Variants in PSG4 observed in about 807,000 individuals in gnomAD.
PSG4 encodes pregnancy-specific beta-1-glycoprotein 4.
Under a neutral mutation model 44.3 loss-of-function variants are expected in PSG4, and 61 were observed. The observed-to-expected ratio is 1.38, with a 90% CI of 1.12 to 1.70. The LOEUF is 1.70. PSG4 is among the 40% of genes most tolerant of loss of function. The pLI, the probability that PSG4 is intolerant of heterozygous loss-of-function variation, is 0.00. For missense variants in PSG4, 677 were observed against 511.7 expected (o/e 1.32, Z -3.12); for synonymous variants, 248 against 191.3 (o/e 1.30, Z -2.45).
rs764419595 is a variant in PSG4 at position 43,194,327 on chromosome 19, G to A, written c.1243+13C>T. On this transcript the variant is annotated intron_variant, in intron 5 of 5. Coordinates refer to ENST00000405312, the MANE Select transcript of PSG4 (RefSeq NM_002780.5). The stretch of plus-strand genomic sequence containing the variant: ...CTAAATCCCTATTGCCAAGGATGCT[G>A]GGATCCACTTACCAGAGACTTTGAC... The A allele has an allele frequency of 4.3e-6, 7 of 1,612,114 alleles. No homozygotes were observed. The highest frequency in any genetic ancestry group is 5.9e-6 in the Non-Finnish European group (7 of 1,179,022).
rs1401071813 is a variant in PSG4, at chr19:43,204,040, C to T, written c.276G>A (p.Gly92=). 1.3e-6 allele frequency: 2 copies of T among 1,587,162 alleles called. No individual in the cohort carries two copies. The highest frequency in any genetic ancestry group is 1.7e-6 in the Non-Finnish European group (2 of 1,171,310). ...CTCTTTCTCTTCCACTGTATGCAGGCCCATATATAATTCTTTGACCGTCTA... is the reference window on the plus strand; with the variant it reads ...CTCTTTCTCTTCCACTGTATGCAGGTCCATATATAATTCTTTGACCGTCTA... ...YVVDGQRIIY[G]PAYSGRERVY... Residue 92 remains glycine (G), a synonymous_variant, in exon 2 of 6, where the codon GGG becomes GGA. Transcript: ENST00000405312.
intron 2 of PSG4, among the ~76,000 whole-genome samples, chr19:43,202,178 C>A (rs1158203629): frequency 0.012 from 1,661 of 141,706 alleles, 5 homozygotes; most frequent in African/African-American, 0.045. Context: ...ACAGGGCTTG[C>A]CAGTCAGAAT....
chr19:43,198,537 A>T, intron 2 of PSG4: 2 of 594,234 alleles, frequency 3.4e-6, no homozygotes, highest in East Asian at 1.2e-4. Context: ...ACACAGGACC[A>T]GCAGTCACAG....
chr19:43,195,039 C>G lies in PSG4; in HGVS notation c.944G>C (p.Arg315Pro), dbSNP rs769047324. Residue 315 changes from arginine to proline, a missense_variant, in exon 4 of 6, where the codon CGA becomes CCA. Arg to Pro is a moderately radical substitution (Grantham distance 103, BLOSUM62 -2). Coordinates refer to ENST00000405312, the MANE Select transcript of PSG4 (RefSeq NM_002780.5). ...TGGGTCACTGCGGATGCCACCATAT[C>G]GGTCCCGTATTTCACATTGATAAGG... ...TGPYQCEIRD[R>P]YGGIRSDPVT... is the part of the protein sequence containing the mutation. The G allele has an allele frequency of 1.1e-5, 18 of 1,611,952 alleles. No individual in the cohort carries two copies. The highest frequency in any genetic ancestry group is 1.5e-5 in the Non-Finnish European group (18 of 1,179,036).
rs542656783 is a variant in PSG4 at position 43,193,448 on chromosome 19, G to A, written c.1244-60C>T. ...ACAGAGCTGCAATCTCATAACCGGT[G>A]TACTACAGTTTTTATTTTCCACATA... is the stretch of plus-strand genomic sequence containing the variant. On this transcript the variant is annotated intron_variant, in intron 5 of 5. Coordinates refer to ENST00000405312, the MANE Select transcript of PSG4 (RefSeq NM_002780.5). The A allele has an allele frequency of 8.6e-5, 66 of 765,084 alleles. 3 individuals carry two copies. The African/African-American group carries it at 9.9e-4, about 11-fold the overall frequency. 47.4% of individuals were successfully genotyped at this position (765,084 alleles called of 1,614,324 possible). A position where few individuals can be genotyped will look rare whatever the true frequency, so the allele number is the denominator to read the frequency against.
rs1967343694 is a variant in PSG4 at position 43,198,238 on chromosome 19, T to G, written c.468A>C (p.Leu156Phe). Residue 156 changes from leucine (L) to phenylalanine (F), a missense_variant, in exon 3 of 6, where the codon TTA becomes TTC. Transcript: ENST00000405312. ...CAGCCTCCATGGCCTCCCTGGGATT[T>G]AAGTTGCTGCTGGAGATGGAGGGCT... ...TPKPSISSSN[L>F]NPREAMEAVI... 4 of 1,587,274 alleles carry G rather than the reference T, an allele frequency of 2.5e-6. 1 individual carries two copies. The highest frequency in any genetic ancestry group is 1.4e-5 in the African/African-American group (1 of 69,462).
At chr19:43,200,623 T>G (rs1489829059) in intron 2 of PSG4, among the ~76,000 whole-genome samples, 1 of 144,980 alleles carries the variant, frequency 6.9e-6, no homozygotes, top group East Asian at 2.4e-4. Context: ...TTGCCCAGGC[T>G]GGAGTGCAGT....
Position 43,194,424 on chromosome 19 carries a change from T to G in PSG4, c.1159A>C (p.Lys387Gln), listed in dbSNP as rs1026457493. ...GAGCAAGCATAGAGCCCACTATGCT[T>G]TGTAGTTATTTGGGGGATAGAGAGC... ...QKLSIPQITT[K>Q]HSGLYACSVR... The change falls in exon 5 of 6, where the codon AAG becomes CAG. Residue 387 changes from lysine (K) to glutamine (Q), a missense_variant. Coordinates refer to ENST00000405312, the MANE Select transcript of PSG4 (RefSeq NM_002780.5). The G allele has an allele frequency of 1.9e-6, 3 of 1,612,208 alleles. No homozygotes were observed. Among genetic ancestry groups the G allele is most frequent in the Non-Finnish European group, 2.5e-6 (3 of 1,179,090 alleles).
chr19:43,202,263 A>C (rs1967548713), intron 2 of PSG4, among the ~76,000 whole-genome samples: 1 of 144,694 alleles, frequency 6.9e-6, no homozygotes, highest in Non-Finnish European at 1.5e-5. Flanking sequence ...AGTGAGGGTT[A>C]CACTGACTTC....
At chr19:43,200,925 C>G (rs1274410438) in intron 2 of PSG4, among the ~76,000 whole-genome samples, 1 of 145,886 alleles carries the variant, frequency 6.9e-6, no homozygotes, top group Admixed American at 6.8e-5. Flanking sequence ...AGAACGGAGT[C>G]ACAAATTTTA....
In PSG4 at chr19:43,194,125, C is replaced by T. The variant is rs981415022; in HGVS notation, c.1243+215G>A. 12 of 1,372,432 alleles carry T rather than the reference C, an allele frequency of 8.7e-6. 1 individual carries two copies. The African/African-American group carries it at 1.3e-4, about 15-fold the overall frequency. The allele number at this position is 1,372,432 out of a possible 1,614,324, so 85.0% of individuals were successfully genotyped here. ...TTCAATGAAATCAATGTTTCTCCTG[C>T]TTGGTCTAGGCTGGGAATTTTAAGA... On this transcript the variant is annotated intron_variant, in intron 5 of 5. Coordinates refer to ENST00000405312, the MANE Select transcript of PSG4 (RefSeq NM_002780.5).
In PSG4 at chr19:43,199,383, G is replaced by T. The variant is rs1273753578; in HGVS notation, c.431-1108C>A. Among the ~76,000 whole-genome samples, 14 of 145,534 alleles carry T rather than the reference G, an allele frequency of 9.6e-5. 5 individuals are homozygous for T. In the East Asian group the frequency reaches 2.4e-3, roughly 25 times the overall value. On this transcript the variant is annotated intron_variant, in intron 2 of 5. Coordinates refer to ENST00000405312, the MANE Select transcript of PSG4 (RefSeq NM_002780.5). ...AGTTATGCAGGATGAGGAGGTTCTAGAGATCTCCTGTACAGCTTCATGCCT... is the reference window on the plus strand; with the variant it reads ...AGTTATGCAGGATGAGGAGGTTCTATAGATCTCCTGTACAGCTTCATGCCT...
rs75410190 is a variant in PSG4 at position 43,199,594 on chromosome 19, G to T, written c.431-1319C>A. Among the ~76,000 whole-genome samples the T allele has an allele frequency of 2.3e-3, 339 of 145,318 alleles. 36 individuals carry two copies. Among genetic ancestry groups the T allele is most frequent in the Admixed American group, 3.9e-3 (57 of 14,590 alleles). On this transcript the variant is annotated intron_variant, in intron 2 of 5. Coordinates refer to ENST00000405312, the MANE Select transcript of PSG4 (RefSeq NM_002780.5). ...TTAGCATCACATCAGTGGTCAGAAG[G>T]GTTGAGTTTTGAGCATTTCAGATTG...
rs1359179491 is a variant in PSG4, at chr19:43,197,966, C to T, written c.709+31G>A. ...TGGCCATGTGTATTTGGGATGGCAG[C>T]CTGGCTCACAGAGGAACAGAGGATA... On this transcript the variant is annotated intron_variant, in intron 3 of 5. Transcript: ENST00000405312. The T allele has an allele frequency of 2.1e-5, 33 of 1,587,186 alleles. 2 individuals carry two copies. The highest frequency in any genetic ancestry group is 3.3e-4 in the Middle Eastern group (2 of 5,976).
chr19:43,198,246 T>C lies in PSG4; in HGVS notation c.460A>G (p.Ser154Gly). Residue 154 changes from serine to glycine, a missense_variant, in exon 3 of 6, where the codon AGC becomes GGC. Transcript: ENST00000405312. ...ATGGCCTCCCTGGGATTTAAGTTGCTGCTGGAGATGGAGGGCTTGGGAGTC... is the reference window on the plus strand; with the variant it reads ...ATGGCCTCCCTGGGATTTAAGTTGCCGCTGGAGATGGAGGGCTTGGGAGTC... ...LETPKPSISSSNLNPREAMEA... is the reference protein window; with the variant it reads ...LETPKPSISSGNLNPREAMEA... The C allele has an allele frequency of 1.9e-6, 3 of 1,587,170 alleles. No individual in the cohort carries two copies. The highest frequency in any genetic ancestry group is 2.6e-6 in the Non-Finnish European group (3 of 1,171,712).
rs10417778 is a variant in PSG4, at chr19:43,195,056, T to C, written c.927A>G (p.Gln309=). ...CACCATATCGGTCCCGTATTTCACA[T>C]TGATAAGGTCCTGTTTCATTTCTCG... The part of the protein sequence containing the change: ...NVTRNETGPY[Q]CEIRDRYGGI... Residue 309 remains glutamine (Q), a synonymous_variant, in exon 4 of 6, where the codon CAA becomes CAG. Coordinates refer to ENST00000405312, the MANE Select transcript of PSG4 (RefSeq NM_002780.5). 3,837 of 1,611,822 alleles carry C rather than the reference T, an allele frequency of 2.4e-3. 199 individuals carry two copies. The African/African-American group carries it at 0.045, about 19-fold the overall frequency.
At chr19:43,203,467 T>C (rs1441891849) in intron 2 of PSG4, 1 of 174,154 alleles carries the variant, frequency 5.7e-6, no homozygotes, top group Non-Finnish European at 1.2e-5. Context: ...CTCAGCTTTA[T>C]CTGGAGCAAG....
chr19:43,203,815 A>C, intron 2 of PSG4, 71 bp downstream of exon 2: 1 of 1,556,544 alleles, frequency 6.4e-7, no homozygotes, highest in Non-Finnish European at 8.7e-7. Flanking sequence ...TCCAGGCCTG[A>C]GAATCCTGTG....
Position 43,204,014 on chromosome 19 carries a change from A to C in PSG4, c.302T>G (p.Val101Gly). The C allele has an allele frequency of 6.3e-7, 1 of 1,587,090 alleles. No individual in the cohort carries two copies. The highest frequency in any genetic ancestry group is 1.1e-5 in the South Asian group (1 of 89,932). ...YGPAYSGRER[V>G]YSNASLLIQN... ...GATCAGCAGGGATGCATTGGAATATACTCTTTCTCTTCCACTGTATGCAGG... is the reference window on the plus strand; with the variant it reads ...GATCAGCAGGGATGCATTGGAATATCCTCTTTCTCTTCCACTGTATGCAGG... Residue 101 changes from valine to glycine, a missense_variant, in exon 2 of 6, where the codon GTA becomes GGA. By Grantham distance (109) the Val-to-Gly change is moderately radical (BLOSUM62 -3). Transcript: ENST00000405312.
Sources: gnomAD v4.1 joint callset for allele counts (sites outside exome capture counted in the v4.1 genomes callset) on GRCh38, gnomAD v4.1.1 for gene constraint, MANE v1.5 for transcripts, NCBI Gene and HGNC (gene_info 2026-07-23, HGNC 2026-07-21) for gene names.